ABCA7: variants seen among roughly 807,000 people sequenced by gnomAD.
ABCA7 encodes the protein ATP binding cassette subfamily A member 7.
ABCA7 carries 261 observed loss-of-function variants against 227.6 expected under a neutral mutation model. The ratio of observed to expected loss-of-function variants is 1.15; its 90% confidence interval spans 1.04 to 1.27. The LOEUF (loss-of-function observed/expected upper bound fraction) is 1.27, where lower values mean the gene tolerates loss of function less well. Ranked by LOEUF, ABCA7 falls within the 50% of genes most tolerant of loss-of-function variation. ABCA7 has a pLI of 0.00. For synonymous variants in ABCA7, 1,488 were observed against 1,279.7 expected, an observed-to-expected ratio of 1.16 and a Z score of -3.47; for missense variants, 3,331 against 2,924.5, an observed-to-expected ratio of 1.14 and a Z score of -3.21.
At position 1,064,462 on chromosome 19, in the gene ABCA7, G is replaced by T. The variant is rs2042904898; in HGVS notation, c.6044+209G>T. Among the ~76,000 whole-genome samples the T allele has an allele frequency of 4.6e-5, 7 of 152,126 alleles. No homozygotes were observed. The South Asian group carries it at 8.3e-4, about 18-fold the overall frequency. ...GCAGGACCAGGAGGCGTGAGCCGGG[G>T]GCTCTGGGTGGATTTAGAAGACACA... On this transcript the variant is annotated intron_variant, in intron 45 of 46. Coordinates refer to ENST00000263094, the MANE Select transcript of ABCA7 (RefSeq NM_019112.4).
chr19:1,047,652 C>T lies in ABCA7; in HGVS notation c.2267C>T (p.Pro756Leu). 6.3e-7 allele frequency: 1 copy of T among 1,592,920 alleles called. No individual in the cohort carries two copies. Among genetic ancestry groups the T allele is most frequent in the Non-Finnish European group, 8.5e-7 (1 of 1,174,680 alleles). The part of the protein sequence containing the change: ...LATWYLEAVC[P>L]GQYGIPEPWN... ...ACCTGGTACCTGGAAGCTGTGTGCC[C>T]AGGTGGGCCGTAGGGGGCGGGGCTC... Residue 756 changes from proline (P) to leucine (L), a missense_variant and splice_region_variant, in exon 16 of 47, where the codon CCA becomes CTA. Pro to Leu is a moderately conservative substitution (Grantham distance 98). Transcript: ENST00000263094.
chr19:1,064,689 T>C, intron 45 of ABCA7: 1 of 616,920 alleles, frequency 1.6e-6, no homozygotes, highest in Non-Finnish European at 2.6e-6. Flanking sequence ...GAGAGCAACC[T>C]GGGCAACCTA....
intron 35 of ABCA7, among the ~76,000 whole-genome samples, 170 bp downstream of exon 35, chr19:1,057,599 C>T (rs1190649388): frequency 6.6e-6 from 1 of 152,080 alleles, no homozygotes; most frequent in African/African-American, 2.4e-5. Flanking sequence ...CTTAAAAGCT[C>T]ATCTTATCCT....
At position 1,063,666 on chromosome 19, in the gene ABCA7, C is replaced by G. The variant is rs766511459; in HGVS notation, c.5835C>G (p.Ala1945=). Residue 1945 remains alanine, a synonymous_variant, in exon 43 of 47, where the codon GCC becomes GCG. Coordinates refer to ENST00000263094, the MANE Select transcript of ABCA7 (RefSeq NM_019112.4). Reference sequence around the variant, plus strand: ...CCCTGGCGCTGGTTGGGGACCCAGCCGTGGTGTTTCTGGTGCGTGGGAGCG... The same window carrying G: ...CCCTGGCGCTGGTTGGGGACCCAGCGGTGGTGTTTCTGGTGCGTGGGAGCG... ...ATALALVGDP[A]VVFLDEPTTG... The G allele has an allele frequency of 1.2e-6, 2 of 1,604,402 alleles. No homozygotes were observed.
At chr19:1,055,723 A>T (rs2042194603) in intron 30 of ABCA7, among the ~76,000 whole-genome samples, 184 bp from the exon 31 acceptor site, 1 of 151,890 alleles carries the variant, frequency 6.6e-6, no homozygotes, top group Admixed American at 6.6e-5. Flanking sequence ...GCTGGTCTCG[A>T]ACTCCTGACC....
intron 3 of ABCA7, 93 bp from the exon 4 acceptor site, chr19:1,041,738 A>G (rs2040056237): frequency 1.3e-6 from 2 of 1,585,982 alleles, no homozygotes; most frequent in East Asian, 2.2e-5. Flanking sequence ...TGAGCTCTCC[A>G]TCGCTGGAGG....
At position 1,045,079 on chromosome 19, in the gene ABCA7, A is replaced by G. The variant is rs781045920; in HGVS notation, c.1293A>G (p.Glu431=). 6.2e-7 allele frequency: 1 copy of G among 1,612,924 alleles called. No individual in the cohort carries two copies. Among genetic ancestry groups the G allele is most frequent in the Non-Finnish European group, 8.5e-7 (1 of 1,179,970 alleles). Residue 431 remains glutamate (E), a synonymous_variant, in exon 12 of 47, where the codon GAA becomes GAG. Transcript: ENST00000263094. ...LVSRALQLLA[E]HRFWAGVVFL... is the part of the protein sequence containing the mutation. ...CGCGGGCCCTGCAACTGCTCGCGGA[A>G]CATCGATTCTGGGCCGGCGTCGTCT... is the stretch of plus-strand genomic sequence containing the variant.
At position 1,065,042 on chromosome 19, in the gene ABCA7, A is replaced by T. The variant is rs1384965848; in HGVS notation, c.6156A>T (p.Gly2052=). 3 of 1,558,290 alleles carry T rather than the reference A, an allele frequency of 1.9e-6. No homozygotes were observed. In the Admixed American group the frequency reaches 5.7e-5, roughly 30 times the overall value. The change falls in exon 46 of 47, where the codon GGA becomes GGT. Residue 2052 remains glycine, a synonymous_variant. Transcript: ENST00000263094. ...GGGCGGAGCTGCGCGAGGCACATGG[A>T]GGCCGCCTGCGCTTCCAGCTGCCGC... ...FPGAELREAH[G]GRLRFQLPPG... is the part of the protein sequence containing the mutation.
At chr19:1,057,767 AAGAG>A (rs2042381094) in intron 35 of ABCA7, 144 bp from the exon 36 acceptor site, 4 of 1,159,800 alleles carry the variant, frequency 3.4e-6, no homozygotes, top group East Asian at 2.4e-5. Context: ...GAGAAAGAGA[AAGAG>A]AGAAAGAAAA....
chr19:1,060,015 T>C (rs1419542160), intron 40 of ABCA7, among the ~76,000 whole-genome samples: 1 of 152,174 alleles, frequency 6.6e-6, no homozygotes, highest in Non-Finnish European at 1.5e-5. Flanking sequence ...GGACCCCTAT[T>C]GTATACACAT....
rs944402058 is a variant in ABCA7, at chr19:1,049,213, C to A, written c.2381-53C>A. On this transcript the variant is annotated intron_variant, in intron 17 of 46. Coordinates refer to ENST00000263094, the MANE Select transcript of ABCA7 (RefSeq NM_019112.4). Reference sequence around the variant, plus strand: ...CCACAGCCCAGCTCTGAGGGACTTGCAGGCCCCAGGACCCCCATGACCTCC... The same window carrying A: ...CCACAGCCCAGCTCTGAGGGACTTGAAGGCCCCAGGACCCCCATGACCTCC... 1.8e-5 allele frequency: 27 copies of A among 1,532,770 alleles called. No homozygotes were observed. In the Middle Eastern group the frequency reaches 9.7e-4, roughly 55 times the overall value. The allele number at this position is 1,532,770 out of a possible 1,614,324, so 94.9% of individuals were successfully genotyped here. A position where few individuals can be genotyped will look rare whatever the true frequency, so the allele number is the denominator to read the frequency against.
chr19:1,051,995 G>T lies in ABCA7; in HGVS notation c.3016G>T (p.Asp1006Tyr), dbSNP rs1363224056. The T allele has an allele frequency of 1.9e-6, 3 of 1,612,150 alleles. No individual in the cohort carries two copies. The highest frequency in any genetic ancestry group is 1.7e-4 in the Middle Eastern group (1 of 5,984). Residue 1006 changes from aspartate to tyrosine, a missense_variant, in exon 22 of 47, where the codon GAC (aspartate) becomes TAC (tyrosine). Transcript: ENST00000263094. ...CCTGGATGAGGCAGAGCTGCTGGGA[G>T]ACCGTGTGGCCGTGGTGGCAGGTGG... ...HHLDEAELLGDRVAVVAGGRL... is the reference protein window; with the variant it reads ...HHLDEAELLGYRVAVVAGGRL...
rs776064387 is a variant in ABCA7, at chr19:1,051,571, C to T, written c.2947C>T (p.Leu983Phe). The T allele has an allele frequency of 3.1e-6, 5 of 1,611,962 alleles. No homozygotes were observed. In the Admixed American group the frequency reaches 6.7e-5, roughly 22 times the overall value. ...CCGCCGCGGTATTTGGGAGCTGCTG[C>T]TCAAATACCGAGAAGGTAAGAGCTG... is the stretch of plus-strand genomic sequence containing the variant. Reference protein sequence around the residue: ...ASRRGIWELLLKYREGRTLIL... With the variant: ...ASRRGIWELLFKYREGRTLIL... The change falls in exon 21 of 47, where the codon CTC becomes TTC. Residue 983 changes from leucine (L) to phenylalanine (F), a missense_variant. Transcript: ENST00000263094.
rs1344245985 is a variant in ABCA7 at position 1,049,991 on chromosome 19, CCCTCCCTGTGAGCCCCCCACCACTT to C, written c.2552+568_2552+592del. On this transcript the variant is annotated intron_variant, in intron 18 of 46. Transcript: ENST00000263094. ...CTCCCTGTGAGCCGCCCAAACCACT[CCCTCCCTGTGAGCCCCCCACCACTT>C]CCTCCCTGTGAGCTCCCTGTGAGGC... Among the ~76,000 whole-genome samples, 660 of 133,078 alleles carry C rather than the reference CCCTCCCTGTGAGCCCCCCACCACTT, an allele frequency of 5.0e-3. 3 individuals carry two copies. Among genetic ancestry groups the C allele is most frequent in the African/African-American group, 0.02 (629 of 31,148 alleles). The allele number at this position is 133,078 out of a possible 152,430, so 87.3% of individuals were successfully genotyped here. A position where few individuals can be genotyped will look rare whatever the true frequency, so the allele number is the denominator to read the frequency against.
At position 1,054,066 on chromosome 19, in the gene ABCA7, T is replaced by C. The variant is rs776327928; in HGVS notation, c.3533T>C (p.Leu1178Pro). 6.2e-7 allele frequency: 1 copy of C among 1,613,258 alleles called. No homozygotes were observed. Among genetic ancestry groups the C allele is most frequent in the East Asian group, 2.2e-5 (1 of 44,874 alleles). Residue 1178 changes from leucine to proline, a missense_variant, in exon 26 of 47, where the codon CTC (leucine) becomes CCC (proline). Coordinates refer to ENST00000263094, the MANE Select transcript of ABCA7 (RefSeq NM_019112.4). This position sits in a 1 kb window ranked among gnomAD's most constrained non-coding sequence, Gnocchi z 4.8. ...GIAGLDVTLR[L>P]KMPPQETALE... Reference sequence around the variant, plus strand: ...GCTGGCCTAGACGTAACCCTACGGCTCAAGATGCCGCCACAGGAGACAGCG... The same window carrying C: ...GCTGGCCTAGACGTAACCCTACGGCCCAAGATGCCGCCACAGGAGACAGCG...
intron 7 of ABCA7, 82 bp from the exon 8 acceptor site, chr19:1,042,959 G>C: frequency 6.6e-7 from 1 of 1,517,464 alleles, no homozygotes; most frequent in South Asian, 1.3e-5. Context: ...AGAGGGAGAG[G>C]CTGCCCCTGG....
intron 40 of ABCA7, among the ~76,000 whole-genome samples, chr19:1,059,922 T>C (rs572329777): frequency 6.6e-6 from 1 of 152,308 alleles, no homozygotes; most frequent in South Asian, 2.1e-4. Context: ...TTACCTCTGT[T>C]AAACACACAC....
Position 1,057,417 on chromosome 19 carries a change from T to C in ABCA7, c.4868T>C (p.Leu1623Pro). The change falls in exon 35 of 47, where the codon CTA becomes CCA. Residue 1623 changes from leucine to proline, a missense_variant. Physicochemically the swap from Leu to Pro is moderately conservative, Grantham distance 98 (BLOSUM62 -3). Coordinates refer to ENST00000263094, the MANE Select transcript of ABCA7 (RefSeq NM_019112.4). ...AACCTGCCTGCTCTCCTGCTGTTGC[T>C]ACTACTGTATGGGTGAGGCCCCCAG... ...PANLPALLLL[L>P]LLYGWSITPL... 1 of 1,613,858 alleles carries C rather than the reference T, an allele frequency of 6.2e-7. No individual in the cohort carries two copies. The highest frequency in any genetic ancestry group is 8.5e-7 in the Non-Finnish European group (1 of 1,179,950).
In ABCA7 at chr19:1,058,212, C is replaced by T. The variant is rs761891139; in HGVS notation, c.5092C>T (p.Arg1698Trp). The change falls in exon 37 of 47, where the codon CGG (arginine) becomes TGG (tryptophan). Residue 1698 changes from arginine to tryptophan, a missense_variant. Transcript: ENST00000263094. ...FLIFPHFCLG[R>W]GLIDMVRNQA... The stretch of plus-strand genomic sequence containing the variant: ...TATCTTCCCCCACTTCTGCTTGGGC[C>T]GGGGGCTCATTGACATGGTGCGGAA... The T allele has an allele frequency of 1.8e-5, 29 of 1,613,290 alleles. No individual in the cohort carries two copies. In the South Asian group the frequency reaches 2.4e-4, roughly 13 times the overall value.
Sources: gnomAD v4.1 joint callset for allele counts (sites outside exome capture counted in the v4.1 genomes callset) on GRCh38, gnomAD v4.1.1 for gene constraint, Gnocchi (gnomAD v3.1) non-coding constraint, MANE v1.5 for transcripts, NCBI Gene and HGNC (gene_info 2026-07-23, HGNC 2026-07-21) for gene names.